Variants in FAM219B observed in about 807,000 individuals in gnomAD.
The protein encoded by FAM219B is family with sequence similarity 219 member B.
A neutral mutation model predicts 19.9 loss-of-function variants in FAM219B; 18 were observed. That is an observed-to-expected ratio of 0.91 (90% CI 0.63 to 1.34). The LOEUF (loss-of-function observed/expected upper bound fraction) is 1.34, where lower values mean the gene tolerates loss of function less well. Among genes scored for constraint, FAM219B ranks in the 40% most tolerant of loss-of-function variants. The pLI is 0.00. For missense variants in FAM219B, 283 were observed against 270.5 expected (o/e 1.05, Z -0.32); for synonymous variants, 123 against 117.5 (o/e 1.05, Z -0.30).
intron 4 of FAM219B, among the ~76,000 whole-genome samples, chr15:74,903,199 T>C (rs552915885): frequency 6.6e-6 from 1 of 152,182 alleles, no homozygotes; most frequent in African/African-American, 2.4e-5. Context: ...AAGGGGGTGG[T>C]GAGCAGCTTT....
rs2065084157 is a variant in FAM219B, at chr15:74,904,029, A to C, written c.429+635T>G. 2.0e-5 allele frequency among the ~76,000 whole-genome samples: 3 copies of C among 152,186 alleles called. 1 individual carries two copies. In the South Asian group the frequency reaches 6.2e-4, roughly 31 times the overall value. ...GGGCAGGGGAGAGACGGAAATGCTG[A>C]TCTCAGAGAAACTAGAGTTGCTGTG... On this transcript the variant is annotated intron_variant, in intron 4 of 4. Coordinates refer to ENST00000357635, the MANE Select transcript of FAM219B (RefSeq NM_020447.5).
Position 74,906,621 on chromosome 15 carries a change from C to G in FAM219B, c.180G>C (p.Met60Ile). 1 of 1,508,474 alleles carries G rather than the reference C, an allele frequency of 6.6e-7. No individual in the cohort carries two copies. Among genetic ancestry groups the G allele is most frequent in the Admixed American group, 2.3e-5 (1 of 42,758 alleles). The allele number at this position is 1,508,474 out of a possible 1,614,324, so 93.4% of individuals were successfully genotyped here. Residue 60 changes from methionine (M) to isoleucine (I), a missense_variant, in exon 1 of 5, where the codon ATG becomes ATC. Coordinates refer to ENST00000357635, the MANE Select transcript of FAM219B (RefSeq NM_020447.5). ...CTTGAATGGAGGGTGCGCGCGTCAC[C>G]ATGTATGGCCCCCGCTTTTCCACGG... ...PAAVEKRGPYMVTRAPSIQAK... is the reference protein window; with the variant it reads ...PAAVEKRGPYIVTRAPSIQAK...
rs573495831 is a variant in FAM219B at position 74,904,741 on chromosome 15, G to A, written c.381-29C>T. Reference sequence around the variant, plus strand: ...GGAGAAGAGGAAAACAGTCAGTTCCGGGAGGTACCTGTGGTGCACAGCTGT... The same window carrying A: ...GGAGAAGAGGAAAACAGTCAGTTCCAGGAGGTACCTGTGGTGCACAGCTGT... On this transcript the variant is annotated intron_variant, in intron 3 of 4. Coordinates refer to ENST00000357635, the MANE Select transcript of FAM219B (RefSeq NM_020447.5). 1.2e-4 allele frequency: 187 copies of A among 1,613,914 alleles called. 1 individual carries two copies. The South Asian group carries it at 1.8e-3, about 15-fold the overall frequency.
rs192495647 is a variant in FAM219B, at chr15:74,904,144, G to T, written c.429+520C>A. Reference sequence around the variant, plus strand: ...CAGCTACTCAAAGAAAAAATTCTGTGTGTGTTGAGGGAAGGGTGGGTAGCA... The same window carrying T: ...CAGCTACTCAAAGAAAAAATTCTGTTTGTGTTGAGGGAAGGGTGGGTAGCA... On this transcript the variant is annotated intron_variant, in intron 4 of 4. Transcript: ENST00000357635. Among the ~76,000 whole-genome samples, 113 of 152,296 alleles carry T rather than the reference G, an allele frequency of 7.4e-4. 2 individuals are homozygous for T. Among genetic ancestry groups the T allele is most frequent in the Non-Finnish European group, 2.5e-4 (17 of 68,036 alleles).
At chr15:74,902,822 T>G (rs1213176137) in intron 4 of FAM219B, 36 bp from the exon 5 acceptor site, 2 of 1,575,502 alleles carry the variant, frequency 1.3e-6, no homozygotes, top group Non-Finnish European at 1.7e-6. Context: ...TAGGCCAAGA[T>G]GCAAAGCAGA....
chr15:74,899,908 T>G (rs2064882945), downstream of FAM219B: 1 of 152,264 alleles, frequency 6.6e-6, no homozygotes, highest in South Asian at 2.1e-4. Context: ...TGCCTCAGCC[T>G]CTGAAAGTGC....
chr15:74,904,911 CAATGCA>C, intron 3 of FAM219B, 199 bp from the exon 4 acceptor site: 1 of 1,490,436 alleles, frequency 6.7e-7, no homozygotes, highest in Non-Finnish European at 9.1e-7. Flanking sequence ...CTCTCACTAA[CAATGCA>C]AACATAACAG....
chr15:74,905,598 A>G, intron 2 of FAM219B: 1 of 236,592 alleles, frequency 4.2e-6, no homozygotes, highest in Non-Finnish European at 8.7e-6. Flanking sequence ...TTTTTAATAG[A>G]GACGGGCTTT....
At chr15:74,906,208 C>A (rs2065181209) in intron 2 of FAM219B, 70 bp downstream of exon 2, 2 of 1,540,832 alleles carry the variant, frequency 1.3e-6, no homozygotes, top group East Asian at 4.7e-5. Context: ...CCAGAGCACC[C>A]TGCCTCCGTC....
intron 2 of FAM219B, 34 bp downstream of exon 2, chr15:74,906,244 C>T (rs1293058561): frequency 6.2e-7 from 1 of 1,606,700 alleles, no homozygotes. Flanking sequence ...TTCTCTAAAG[C>T]TGCTGGCACA....
At chr15:74,904,102 A>G (rs1032038159) in intron 4 of FAM219B, among the ~76,000 whole-genome samples, 1 of 152,198 alleles carries the variant, frequency 6.6e-6, no homozygotes, top group African/African-American at 2.4e-5. Flanking sequence ...TCAGATTAAT[A>G]AGGAAGATTT....
At chr15:74,899,653 G>A (rs1249112550), downstream of FAM219B, 2 of 152,218 alleles carry the variant, frequency 1.3e-5, no homozygotes, top group African/African-American at 4.8e-5. Context: ...TTGAGACGGA[G>A]TCTCGCACTG....
In FAM219B at chr15:74,901,089, G is replaced by T. The variant is rs1328135048; in HGVS notation, c.*1530C>A. 6.6e-6 allele frequency: 1 copy of T among 152,190 alleles called. No homozygotes were observed. Among genetic ancestry groups the T allele is most frequent in the Non-Finnish European group, 1.5e-5 (1 of 68,042 alleles). The allele number at this position is 152,190 out of a possible 1,614,324, so 9.4% of individuals were successfully genotyped here. A position where few individuals can be genotyped will look rare whatever the true frequency, so the allele number is the denominator to read the frequency against. On this transcript the variant is annotated 3_prime_UTR_variant, in exon 5 of 5. Coordinates refer to ENST00000357635, the MANE Select transcript of FAM219B (RefSeq NM_020447.5). ...AGGACACTGAGTAAAGCAAGAGACTGGATACTTTCCCATGTAGAACCTATA... is the reference window on the plus strand; with the variant it reads ...AGGACACTGAGTAAAGCAAGAGACTTGATACTTTCCCATGTAGAACCTATA...
Position 74,900,341 on chromosome 15 carries a change from C to G in FAM219B, c.*2278G>C, listed in dbSNP as rs2064901956. The G allele has an allele frequency of 6.6e-6, 1 of 152,324 alleles. No individual in the cohort carries two copies. 9.4% of individuals were successfully genotyped at this position (152,324 alleles called of 1,614,324 possible). A position where few individuals can be genotyped will look rare whatever the true frequency, so the allele number is the denominator to read the frequency against. ...AGCTCAGAAACCTCTTCTTCAGGGA[C>G]AGTTGCAGCTGAATATGCCAGAGCT... On this transcript the variant is annotated 3_prime_UTR_variant, in exon 5 of 5. Transcript: ENST00000357635.
Position 74,902,805 on chromosome 15 carries a change from G to T in FAM219B, c.430-19C>A. 1 of 1,593,132 alleles carries T rather than the reference G, an allele frequency of 6.3e-7. No homozygotes were observed. Among genetic ancestry groups the T allele is most frequent in the Non-Finnish European group, 8.5e-7 (1 of 1,169,892 alleles). ...TCACCTGCTAAGAGAAGGAGAGGAG[G>T]GAACTATAGGCCAAGATGCAAAGCA... On this transcript the variant is annotated intron_variant, in intron 4 of 4. Coordinates refer to ENST00000357635, the MANE Select transcript of FAM219B (RefSeq NM_020447.5).
downstream of FAM219B, chr15:74,898,685 C>A (rs1386673114): frequency 6.6e-6 from 1 of 152,208 alleles, no homozygotes; most frequent in Non-Finnish European, 1.5e-5. Flanking sequence ...CCACAGGCGC[C>A]CACCACCACG....
intron 4 of FAM219B, among the ~76,000 whole-genome samples, chr15:74,903,987 C>G (rs1388280613): frequency 4.6e-5 from 7 of 152,152 alleles, no homozygotes; most frequent in Non-Finnish European, 1.0e-4. Flanking sequence ...TGGAAGAAAG[C>G]AAGCTTGGTG....
At chr15:74,905,383 A>T in intron 2 of FAM219B, 152 bp from the exon 3 acceptor site, 2 of 674,416 alleles carry the variant, frequency 3.0e-6, no homozygotes, top group South Asian at 3.3e-5. Context: ...CTGCAGCTCC[A>T]TGTACCTGGC....
At chr15:74,902,820 G>A (rs1448280532) in intron 4 of FAM219B, 34 bp from the exon 5 acceptor site, 2 of 1,576,546 alleles carry the variant, frequency 1.3e-6, no homozygotes, top group Non-Finnish European at 1.7e-6. Context: ...TATAGGCCAA[G>A]ATGCAAAGCA....
Sources: gnomAD v4.1 joint callset for allele counts (sites outside exome capture counted in the v4.1 genomes callset) on GRCh38, gnomAD v4.1.1 for gene constraint, MANE v1.5 for transcripts, NCBI Gene and HGNC (gene_info 2026-07-23, HGNC 2026-07-21) for gene names.